MATN3: variants seen among roughly 807,000 people sequenced by gnomAD.
The protein encoded by MATN3 is matrilin 3.
MATN3 carries 48 observed loss-of-function variants against 45.3 expected under a neutral mutation model. The ratio of observed to expected loss-of-function variants is 1.06; its 90% confidence interval spans 0.84 to 1.35. The LOEUF is 1.35. Ranked by LOEUF, MATN3 falls within the 40% of genes most tolerant of loss-of-function variation. The pLI is 0.00. For synonymous variants in MATN3, 217 were observed against 245.9 expected, an observed-to-expected ratio of 0.88 and a Z score of 1.10; for missense variants, 599 against 628.0, an observed-to-expected ratio of 0.95 and a Z score of 0.49.
In MATN3 at chr2:20,005,844, G is replaced by C. The variant is rs202118156; in HGVS notation, c.690C>G (p.Leu230=). ...CTAGGGGCTCACTGGCCATCATCTTGAGGGACGCCATGTCTGCCCGGTCCA... is the reference window on the plus strand; with the variant it reads ...CTAGGGGCTCACTGGCCATCATCTTCAGGGACGCCATGTCTGCCCGGTCCA... ...VGVDRADMAS[L]KMMASEPLEE... is the part of the protein sequence containing the mutation. The change falls in exon 2 of 8, where the codon CTC becomes CTG. Residue 230 remains leucine (L), a synonymous_variant. Coordinates refer to ENST00000407540, the MANE Select transcript of MATN3 (RefSeq NM_002381.5). 11 of 1,610,516 alleles carry C rather than the reference G, an allele frequency of 6.8e-6. No homozygotes were observed. The Admixed American group carries it at 1.3e-4, about 20-fold the overall frequency.
rs987651167 is a variant in MATN3, at chr2:19,994,416, A to G, written c.1295-7T>C. On this transcript the variant is annotated splice_polypyrimidine_tract_variant and splice_region_variant and intron_variant, in intron 6 of 7. Transcript: ENST00000407540. ...CTTCGTGCTTCCTCAGTGGCTGAAG[A>G]CAATGACAGTACACAAATATACTAT... 2.6e-6 allele frequency: 4 copies of G among 1,520,630 alleles called. No individual in the cohort carries two copies. The African/African-American group carries it at 4.1e-5, about 16-fold the overall frequency. The allele number at this position is 1,520,630 out of a possible 1,614,324, so 94.2% of individuals were successfully genotyped here.
chr2:19,993,320 A>C (rs1435094385), intron 7 of MATN3, among the ~76,000 whole-genome samples, 154 bp from the exon 8 acceptor site: 3 of 152,200 alleles, frequency 2.0e-5, no homozygotes, highest in Non-Finnish European at 2.9e-5. Flanking sequence ...ATTCAGTCTA[A>C]AAGTCAAAAA....
chr2:20,004,572 C>T (rs1284863374), intron 2 of MATN3, among the ~76,000 whole-genome samples: 1 of 152,232 alleles, frequency 6.6e-6, no homozygotes, highest in South Asian at 2.1e-4. Flanking sequence ...TGAGGCCAAA[C>T]GTTGCCCCAG....
Position 20,005,988 on chromosome 2 carries a change from C to T in MATN3, c.546G>A (p.Glu182=), listed in dbSNP as rs1426447954. ...CCACCTTAGGGATGTTAGAAGAGGG[C>T]TCTCGAGCCCCTGCCTCCACTGTGA... ...EAFTVEAGAR[E]PSSNIPKVAI... is the part of the protein sequence containing the mutation. The change falls in exon 2 of 8, where the codon GAG becomes GAA. Residue 182 remains glutamate (E), a synonymous_variant. Transcript: ENST00000407540. 2.5e-6 allele frequency: 4 copies of T among 1,613,984 alleles called. No homozygotes were observed. Among genetic ancestry groups the T allele is most frequent in the Non-Finnish European group, 3.4e-6 (4 of 1,179,890 alleles).
At chr2:20,007,644 T>C (rs1340794518) in intron 1 of MATN3, among the ~76,000 whole-genome samples, 2 of 152,262 alleles carry the variant, frequency 1.3e-5, no homozygotes, top group African/African-American at 4.8e-5. Flanking sequence ...TCTACCCTAC[T>C]GCCCCAACTA....
At chr2:20,003,769 T>G (rs1201958102) in intron 2 of MATN3, among the ~76,000 whole-genome samples, 2 of 152,202 alleles carry the variant, frequency 1.3e-5, no homozygotes, top group African/African-American at 2.4e-5. Flanking sequence ...GGTCTAAGCC[T>G]AGAACGAACT....
Position 19,995,322 on chromosome 2 carries a change from C to A in MATN3, c.1295-913G>T, listed in dbSNP as rs12478934. ...ACAAAAATTAGCTGGGCGTGGTGGCCCATGCCTGTAATCCCAGCTACTCGG... is the reference window on the plus strand; with the variant it reads ...ACAAAAATTAGCTGGGCGTGGTGGCACATGCCTGTAATCCCAGCTACTCGG... On this transcript the variant is annotated intron_variant, in intron 6 of 7. Coordinates refer to ENST00000407540, the MANE Select transcript of MATN3 (RefSeq NM_002381.5). The surrounding 1 kb of genome is among the most constrained non-coding windows in gnomAD (Gnocchi z 4.2). 0.46 allele frequency among the ~76,000 whole-genome samples: 69,125 copies of A among 150,662 alleles called. 15,955 individuals carry two copies. Among genetic ancestry groups the A allele is most frequent in the East Asian group, 0.64 (3,258 of 5,066 alleles).
intron 7 of MATN3, 116 bp downstream of exon 7, chr2:19,994,183 C>T (rs763755548): frequency 1.2e-5 from 8 of 649,940 alleles, no homozygotes; most frequent in Non-Finnish European, 2.2e-5. Flanking sequence ...TACCACTGCT[C>T]ATATTAAAAC....
chr2:19,993,217 T>G (rs920177034), intron 7 of MATN3, 51 bp from the exon 8 acceptor site: 1 of 1,309,330 alleles, frequency 7.6e-7, no homozygotes, highest in South Asian at 1.2e-5. Flanking sequence ...TTAGAAAATA[T>G]AAACACACTT....
chr2:20,003,033 C>A, intron 3 of MATN3, 128 bp downstream of exon 3: 1 of 1,053,422 alleles, frequency 9.5e-7, no homozygotes, highest in South Asian at 1.7e-5. Flanking sequence ...CTGATGAACA[C>A]CAGTAAACCA....
At chr2:20,006,890 T>C (rs773477570) in intron 1 of MATN3, among the ~76,000 whole-genome samples, 8 of 152,196 alleles carry the variant, frequency 5.3e-5, no homozygotes, top group African/African-American at 9.6e-5. Flanking sequence ...CTTTCCTGTT[T>C]AGTGAATTTG....
At chr2:20,010,217 G>A (rs1055409433) in intron 1 of MATN3, among the ~76,000 whole-genome samples, 14 of 152,186 alleles carry the variant, frequency 9.2e-5, no homozygotes, top group Admixed American at 3.9e-4. Context: ...GAAAAGGTGG[G>A]GGTAACATGA....
At chr2:20,007,788 C>G (rs1572386851) in intron 1 of MATN3, among the ~76,000 whole-genome samples, 1 of 152,182 alleles carries the variant, frequency 6.6e-6, no homozygotes, top group Non-Finnish European at 1.5e-5. Flanking sequence ...AAGAATTTAT[C>G]TCTTTTCTAC....
At chr2:20,007,710 G>A (rs933192118) in intron 1 of MATN3, among the ~76,000 whole-genome samples, 2 of 151,982 alleles carry the variant, frequency 1.3e-5, no homozygotes, top group Non-Finnish European at 2.9e-5. Flanking sequence ...ATTTTTTGAG[G>A]GCCTACATGT....
chr2:20,009,266 T>C lies in MATN3; in HGVS notation c.224-2956A>G, dbSNP rs575059921. Among the ~76,000 whole-genome samples, 167 of 131,154 alleles carry C rather than the reference T, an allele frequency of 1.3e-3. 1 individual carries two copies. Among genetic ancestry groups the C allele is most frequent in the Non-Finnish European group, 3.1e-4 (20 of 64,992 alleles). 86.0% of individuals were successfully genotyped at this position (131,154 alleles called of 152,430 possible). A position where few individuals can be genotyped will look rare whatever the true frequency, so the allele number is the denominator to read the frequency against. On this transcript the variant is annotated intron_variant, in intron 1 of 7. Transcript: ENST00000407540. Reference sequence around the variant, plus strand: ...AAAAAAGGAATCAAAATTCTTTCTTTCTTTAAAAAAAAAAAAAACAACTCC... The same window carrying C: ...AAAAAAGGAATCAAAATTCTTTCTTCCTTTAAAAAAAAAAAAAACAACTCC...
chr2:20,003,635 C>T (rs1673035582), intron 2 of MATN3, among the ~76,000 whole-genome samples: 1 of 152,178 alleles, frequency 6.6e-6, no homozygotes, highest in Admixed American at 6.5e-5. Context: ...TTCCCCACCA[C>T]AAGAAATGGG....
intron 1 of MATN3, 43 bp from the exon 2 acceptor site, chr2:20,006,353 A>G: frequency 7.2e-7 from 1 of 1,398,146 alleles, no homozygotes; most frequent in South Asian, 1.4e-5. Context: ...TTAGAAATGC[A>G]GTAATCCTCA....
Position 20,003,246 on chromosome 2 carries a change from G to A in MATN3, c.831C>T (p.His277=), listed in dbSNP as rs1032079010. ...PCVLGTHQCQ[H]VCISDGEGKH... is the part of the protein sequence containing the mutation. ...TGCCTTCCCCATCACTGATGCAGAC[G>A]TGCTGGCACTGGTGTGTTCCAAGCA... Residue 277 remains histidine, a synonymous_variant, in exon 3 of 8, where the codon CAC becomes CAT. Transcript: ENST00000407540. The A allele has an allele frequency of 1.2e-5, 20 of 1,613,846 alleles. No homozygotes were observed. Among genetic ancestry groups the A allele is most frequent in the African/African-American group, 2.7e-5 (2 of 74,926 alleles).
Position 20,012,388 on chromosome 2 carries a change from C to T in MATN3, c.223+21G>A. 8.1e-7 allele frequency: 1 copy of T among 1,227,176 alleles called. No individual in the cohort carries two copies. The highest frequency in any genetic ancestry group is 1.0e-6 in the Non-Finnish European group (1 of 984,860). 76.0% of individuals were successfully genotyped at this position (1,227,176 alleles called of 1,614,324 possible). A position where few individuals can be genotyped will look rare whatever the true frequency, so the allele number is the denominator to read the frequency against. On this transcript the variant is annotated intron_variant, in intron 1 of 7. Coordinates refer to ENST00000407540, the MANE Select transcript of MATN3 (RefSeq NM_002381.5). This position sits in a 1 kb window ranked among gnomAD's most constrained non-coding sequence, Gnocchi z 4.3. ...TCTCCTCGTTCGATGCTCACGCGTCCCTCCCGCCGCCCGCCTGTACCTGCA... is the reference window on the plus strand; with the variant it reads ...TCTCCTCGTTCGATGCTCACGCGTCTCTCCCGCCGCCCGCCTGTACCTGCA...
Sources: allele counts gnomAD v4.1 joint callset (sites outside exome capture counted in the v4.1 genomes callset), GRCh38; gene constraint gnomAD v4.1.1; non-coding constraint Gnocchi (gnomAD v3.1); transcripts MANE v1.5; gene names NCBI Gene and HGNC (gene_info 2026-07-23, HGNC 2026-07-21).